The following ARID3B variants were observed in gnomAD, a reference collection of about 807,000 sequenced individuals.
The protein encoded by ARID3B is AT-rich interactive domain-containing protein 3B.
A neutral mutation model predicts 51.9 loss-of-function variants in ARID3B; 10 were observed. That is an observed-to-expected ratio of 0.19 (90% CI 0.12 to 0.33). The LOEUF (loss-of-function observed/expected upper bound fraction) is 0.33, where lower values mean the gene tolerates loss of function less well. ARID3B is among the 10% of genes least tolerant of loss of function. The pLI is 1.00. For synonymous variants in ARID3B, 205 were observed against 279.5 expected, an observed-to-expected ratio of 0.73 and a Z score of 2.66; for missense variants, 483 against 716.3, an observed-to-expected ratio of 0.67 and a Z score of 3.72.
intron 2 of ARID3B, among the ~76,000 whole-genome samples, chr15:74,552,844 G>A (rs1295416126): frequency 1.3e-5 from 2 of 152,140 alleles, no homozygotes; most frequent in Admixed American, 6.5e-5. Context: ...CCTGAAGGAC[G>A]TCTTGGTTGC....
At chr15:74,560,174 C>T (rs937985279) in intron 2 of ARID3B, among the ~76,000 whole-genome samples, 2 of 150,760 alleles carry the variant, frequency 1.3e-5, no homozygotes, top group Non-Finnish European at 3.0e-5. Flanking sequence ...CACTGCACTC[C>T]AGCCTGGGCA....
chr15:74,562,195 G>T (rs550227024), intron 2 of ARID3B, among the ~76,000 whole-genome samples: 149 of 152,120 alleles, frequency 9.8e-4, no homozygotes, highest in Admixed American at 2.6e-3. Flanking sequence ...AGGCTGGAGT[G>T]CAATAGCACG....
In ARID3B at chr15:74,572,544, A is replaced by G. The variant is rs143271432; in HGVS notation, c.553-318A>G. The stretch of plus-strand genomic sequence containing the variant: ...GCCGGGAATGAGCCCCTTCTAAGCA[A>G]CGTGGGCCTTTGTGTCCTCCTCTTC... On this transcript the variant is annotated intron_variant, in intron 2 of 8. Coordinates refer to ENST00000346246, the MANE Select transcript of ARID3B (RefSeq NM_006465.4). 6.3e-4 allele frequency among the ~76,000 whole-genome samples: 96 copies of G among 152,350 alleles called. 1 individual carries two copies. The highest frequency in any genetic ancestry group is 2.3e-3 in the African/African-American group (94 of 41,572).
chr15:74,570,789 A>G (rs1307018631), intron 2 of ARID3B, among the ~76,000 whole-genome samples: 1 of 152,244 alleles, frequency 6.6e-6, no homozygotes, highest in Non-Finnish European at 1.5e-5. Context: ...CCTGACAGGC[A>G]TAATTCATCT....
chr15:74,554,198 G>A (rs1043414481), intron 2 of ARID3B, among the ~76,000 whole-genome samples: 1 of 151,880 alleles, frequency 6.6e-6, no homozygotes, highest in Non-Finnish European at 1.5e-5. Context: ...AGTAGAGAAC[G>A]GGGTTTCTCC....
chr15:74,543,673 CTTCACACCTT>C (rs2061602547), intron 1 of ARID3B, among the ~76,000 whole-genome samples, 177 bp from the exon 2 acceptor site: 1 of 152,124 alleles, frequency 6.6e-6, no homozygotes, highest in Non-Finnish European at 1.5e-5. Context: ...TGTTTCTCTT[CTTCACACCTT>C]TTCCTACCCA....
chr15:74,563,207 G>T (rs1445285476), intron 2 of ARID3B, among the ~76,000 whole-genome samples: 1 of 152,176 alleles, frequency 6.6e-6, no homozygotes, highest in Non-Finnish European at 1.5e-5. Context: ...AGAGGTGGCC[G>T]GTGGCATAGG....
At chr15:74,549,903 T>C (rs952230039) in intron 2 of ARID3B, among the ~76,000 whole-genome samples, 2 of 152,210 alleles carry the variant, frequency 1.3e-5, no homozygotes, top group African/African-American at 4.8e-5. Flanking sequence ...TATAACGCAC[T>C]GGACAGCCCC....
At chr15:74,567,580 C>A (rs748437941) in intron 2 of ARID3B, among the ~76,000 whole-genome samples, 27 of 152,160 alleles carry the variant, frequency 1.8e-4, no homozygotes, top group Non-Finnish European at 3.4e-4. Context: ...ATCTCATCCA[C>A]CCTGTCTCAT....
At chr15:74,560,018 AC>A (rs1231785415) in intron 2 of ARID3B, among the ~76,000 whole-genome samples, 1 of 149,228 alleles carries the variant, frequency 6.7e-6, no homozygotes, top group Non-Finnish European at 1.5e-5. Flanking sequence ...ACATGGCGAA[AC>A]CCTGTCTCTA....
intron 2 of ARID3B, among the ~76,000 whole-genome samples, chr15:74,555,943 C>T (rs879366215): frequency 6.9e-4 from 105 of 151,914 alleles, no homozygotes; most frequent in African/African-American, 2.3e-3. Context: ...AGGCGCCCAC[C>T]AGCATGCCCG....
intron 8 of ARID3B, 100 bp from the exon 9 acceptor site, chr15:74,595,511 T>C: frequency 7.3e-7 from 1 of 1,365,612 alleles, no homozygotes; most frequent in Non-Finnish European, 1.0e-6. Context: ...TACAGCGGAG[T>C]CAGGCACAGG....
At chr15:74,563,166 C>CT (rs2061685216) in intron 2 of ARID3B, among the ~76,000 whole-genome samples, 2 of 152,242 alleles carry the variant, frequency 1.3e-5, no homozygotes, top group Non-Finnish European at 2.9e-5. Context: ...GAGTCAATCA[C>CT]TATCCCCATG....
At chr15:74,595,575 C>T in intron 8 of ARID3B, 36 bp from the exon 9 acceptor site, 1 of 1,601,330 alleles carries the variant, frequency 6.2e-7, no homozygotes, top group African/African-American at 1.3e-5. Flanking sequence ...CTTCGCTCTT[C>T]CTCTGCCCAC....
At chr15:74,552,660 C>T (rs2061642412) in intron 2 of ARID3B, among the ~76,000 whole-genome samples, 1 of 152,068 alleles carries the variant, frequency 6.6e-6, no homozygotes, top group Admixed American at 6.5e-5. Context: ...GGTTTTGTCT[C>T]CTCCAGAATG....
Position 74,560,031 on chromosome 15 carries a change from T to TAAAAAAAAAAAAAAA in ARID3B, c.553-12821_553-12820insAAAAAAAAAAAAAAA, listed in dbSNP as rs71137394. ...CAACATGGCGAAACCCTGTCTCTAC[T>TAAAAAAAAAAAAAAA]AAAAAAAAAACCACACACACAAAAA... is the stretch of plus-strand genomic sequence containing the variant. On this transcript the variant is annotated intron_variant, in intron 2 of 8. Transcript: ENST00000346246. Among the ~76,000 whole-genome samples, 6 of 35,626 alleles carry TAAAAAAAAAAAAAAA rather than the reference T, an allele frequency of 1.7e-4. 1 individual carries two copies. The highest frequency in any genetic ancestry group is 1.2e-3 in the Admixed American group (2 of 1,650). The allele number at this position is 35,626 out of a possible 152,430, so 23.4% of individuals were successfully genotyped here. A position where few individuals can be genotyped will look rare whatever the true frequency, so the allele number is the denominator to read the frequency against.
chr15:74,554,163 C>T lies in ARID3B; in HGVS notation c.552+9675C>T, dbSNP rs892240822. ...CTGGGACTACAGGCGCCTGCCACAA[C>T]GCCTGGCTAATTTTTTGTATTTTTA... is the stretch of plus-strand genomic sequence containing the variant. On this transcript the variant is annotated intron_variant, in intron 2 of 8. Transcript: ENST00000346246. Among the ~76,000 whole-genome samples, 53 of 152,128 alleles carry T rather than the reference C, an allele frequency of 3.5e-4. 1 individual carries two copies. The highest frequency in any genetic ancestry group is 1.3e-3 in the African/African-American group (52 of 41,512).
chr15:74,543,965 A>T lies in ARID3B; in HGVS notation c.29A>T (p.Gln10Leu). 6.2e-7 allele frequency: 1 copy of T among 1,612,366 alleles called. No individual in the cohort carries two copies. Among genetic ancestry groups the T allele is most frequent in the Non-Finnish European group, 8.5e-7 (1 of 1,179,356 alleles). ...GAGCCACTTCAGCAGCAGCAGCAGC[A>T]GCAGCAGCAACAACAGAAGCAGCCA... MEPLQQQQQ[Q>L]QQQQQKQPHL... is the part of the protein sequence containing the mutation. The change falls in exon 2 of 9, where the codon CAG (glutamine) becomes CTG (leucine). Residue 10 changes from glutamine to leucine, a missense_variant. Gln to Leu is a moderately radical substitution (Grantham distance 113). Coordinates refer to ENST00000346246, the MANE Select transcript of ARID3B (RefSeq NM_006465.4).
chr15:74,547,904 A>T (rs564591698), intron 2 of ARID3B, among the ~76,000 whole-genome samples: 1 of 152,360 alleles, frequency 6.6e-6, no homozygotes, highest in East Asian at 1.9e-4. Context: ...GGAAAGCTTA[A>T]GGGTTCCAGA....
Sources: allele counts gnomAD v4.1 joint callset (sites outside exome capture counted in the v4.1 genomes callset), GRCh38; gene constraint gnomAD v4.1.1; transcripts MANE v1.5; gene names NCBI Gene and HGNC (gene_info 2026-07-23, HGNC 2026-07-21).